Variants in PPFIA2 observed in about 807,000 individuals in gnomAD.
The protein encoded by PPFIA2 is PPFI scaffold protein A2.
Under a neutral mutation model 175.5 loss-of-function variants are expected in PPFIA2, and 46 were observed. That is an observed-to-expected ratio of 0.26 (90% CI 0.21 to 0.34). The LOEUF is 0.34. Ranked by LOEUF, PPFIA2 falls within the 10% of genes least tolerant of loss-of-function variation. The probability of loss-of-function intolerance (pLI) is 1.00; values close to 1 mark genes in which losing one functional copy is unlikely to be tolerated. For missense variants in PPFIA2, 1,179 were observed against 1,506.1 expected, an observed-to-expected ratio of 0.78 and a Z score of 3.60; for synonymous variants, 568 against 511.4, an observed-to-expected ratio of 1.11 and a Z score of -1.49.
chr12:81,555,293 G>T (rs2068649430), intron 4 of PPFIA2, among the ~76,000 whole-genome samples: 1 of 151,852 alleles, frequency 6.6e-6, no homozygotes, highest in Admixed American at 6.6e-5. Flanking sequence ...TATTGATTTA[G>T]ATATCTAAGT....
intron 4 of PPFIA2, among the ~76,000 whole-genome samples, chr12:81,525,976 A>G (rs926683069): frequency 6.6e-6 from 1 of 152,324 alleles, no homozygotes; most frequent in Non-Finnish European, 1.5e-5. Flanking sequence ...TTGGTTAAAA[A>G]AAAATATAAA....
intron 4 of PPFIA2, among the ~76,000 whole-genome samples, chr12:81,627,238 G>T (rs1383622049): frequency 6.6e-6 from 1 of 152,072 alleles, no homozygotes; most frequent in African/African-American, 2.4e-5. Context: ...TAGGGTAACT[G>T]TGGTTAACAA....
intron 3 of PPFIA2, among the ~76,000 whole-genome samples, chr12:81,744,971 T>C (rs904030511): frequency 6.6e-6 from 1 of 151,884 alleles, no homozygotes; most frequent in East Asian, 1.9e-4. Flanking sequence ...AACAGCCTCA[T>C]TGGAATGTTC....
chr12:81,341,308 A>T, intron 19 of PPFIA2, 100 bp from the exon 20 acceptor site: 1 of 1,198,532 alleles, frequency 8.3e-7, no homozygotes, highest in Non-Finnish European at 1.1e-6. Context: ...GAGTAATTTT[A>T]ATACAAAATA....
At chr12:81,638,877 C>T (rs1201330129) in intron 4 of PPFIA2, among the ~76,000 whole-genome samples, 1 of 150,660 alleles carries the variant, frequency 6.6e-6, no homozygotes, top group South Asian at 2.1e-4. Context: ...TTAGTAGAGA[C>T]GGGGTTTCAC....
chr12:81,556,357 A>G (rs951284396), intron 4 of PPFIA2, among the ~76,000 whole-genome samples: 2 of 151,954 alleles, frequency 1.3e-5, no homozygotes, highest in African/African-American at 4.8e-5. Flanking sequence ...AAATGGGTTT[A>G]TTGGGGTCCT....
At chr12:81,757,253 T>A (rs1457173577) in intron 2 of PPFIA2, among the ~76,000 whole-genome samples, 1 of 152,210 alleles carries the variant, frequency 6.6e-6, no homozygotes, top group Non-Finnish European at 1.5e-5. Context: ...GGTCATTCAA[T>A]GTCTAGTGCG....
chr12:81,646,351 G>A (rs1005337343), intron 4 of PPFIA2, among the ~76,000 whole-genome samples: 4 of 152,118 alleles, frequency 2.6e-5, no homozygotes, highest in Non-Finnish European at 5.9e-5. Flanking sequence ...AGAACAGGAA[G>A]GGAAATGAAG....
chr12:81,703,450 A>G (rs1359922026), intron 3 of PPFIA2, among the ~76,000 whole-genome samples: 1 of 152,006 alleles, frequency 6.6e-6, no homozygotes, highest in Non-Finnish European at 1.5e-5. Flanking sequence ...AATCCAATGT[A>G]CAGAATCCAA....
chr12:81,652,067 T>G (rs1343278982), intron 4 of PPFIA2, among the ~76,000 whole-genome samples: 2 of 151,548 alleles, frequency 1.3e-5, no homozygotes, highest in Non-Finnish European at 2.9e-5. Flanking sequence ...AGTTATACAG[T>G]CTGTAAGATC....
chr12:81,350,255 C>T lies in PPFIA2; in HGVS notation c.1995-2485G>A, dbSNP rs115790360. 2.9e-3 allele frequency among the ~76,000 whole-genome samples: 448 copies of T among 152,170 alleles called. 1 individual carries two copies. The highest frequency in any genetic ancestry group is 9.7e-3 in the African/African-American group (403 of 41,540). On this transcript the variant is annotated intron_variant, in intron 17 of 32. Coordinates refer to ENST00000549396, the MANE Select transcript of PPFIA2 (RefSeq NM_003625.5). ...CTCAGAAAGTGTTATTCCGTTATTC[C>T]GTTAATACTTGTTTTACATTATTTT...
chr12:81,325,843 G>A lies in PPFIA2; in HGVS notation c.2576C>T (p.Ala859Val), dbSNP rs757217103. 3 of 1,612,562 alleles carry A rather than the reference G, an allele frequency of 1.9e-6. No homozygotes were observed. The highest frequency in any genetic ancestry group is 2.2e-5 in the South Asian group (2 of 91,044). ...TTTGCCTAACCCCAGGGACTCCTGA[G>A]CTGCAGCTTCAGTCTCCATAAAGCC... is the stretch of plus-strand genomic sequence containing the variant. ...LRGFMETEAA[A>V]QESLGLGKLG... The change falls in exon 22 of 33, where the codon GCT becomes GTT. Residue 859 changes from alanine to valine, a missense_variant. By Grantham distance (64) the Ala-to-Val change is moderately conservative (BLOSUM62 0). Transcript: ENST00000549396.
chr12:81,713,876 T>C (rs2078260519), intron 3 of PPFIA2, among the ~76,000 whole-genome samples: 1 of 151,348 alleles, frequency 6.6e-6, no homozygotes, highest in Non-Finnish European at 1.5e-5. Context: ...TAGAGAAATG[T>C]GAACAGTGAC....
At chr12:81,274,098 A>C (rs2039891329) in intron 28 of PPFIA2, among the ~76,000 whole-genome samples, 1 of 152,144 alleles carries the variant, frequency 6.6e-6, no homozygotes, top group Non-Finnish European at 1.5e-5. Flanking sequence ...CTATATAATC[A>C]GCTGCTGCTG....
chr12:81,713,738 G>A (rs1381460322), intron 3 of PPFIA2, among the ~76,000 whole-genome samples: 2 of 151,160 alleles, frequency 1.3e-5, no homozygotes, highest in African/African-American at 4.8e-5. Flanking sequence ...GTTTATTGCT[G>A]TCTAATTTTA....
At chr12:81,361,756 C>A (rs1299111991) in intron 15 of PPFIA2, among the ~76,000 whole-genome samples, 2 of 151,420 alleles carry the variant, frequency 1.3e-5, no homozygotes, top group African/African-American at 4.8e-5. Context: ...ACAAACCCAT[C>A]CTCTGGTGGA....
chr12:81,638,688 T>TTTC (rs1567671083), intron 4 of PPFIA2, among the ~76,000 whole-genome samples: 3 of 125,978 alleles, frequency 2.4e-5, no homozygotes, highest in African/African-American at 9.5e-5. Context: ...TTTTCTTTTT[T>TTTC]TTTTTTTTTT....
Position 81,721,186 on chromosome 12 carries a change from G to C in PPFIA2, c.249+32787C>G, listed in dbSNP as rs535221411. On this transcript the variant is annotated intron_variant, in intron 3 of 32. Transcript: ENST00000549396. ...AAAGCCTCTAGTGAAATGAAGAAAG[G>C]GGTGCAGAAAGGGCCAACTGTGGAG... Among the ~76,000 whole-genome samples the C allele has an allele frequency of 7.3e-5, 11 of 151,276 alleles. No individual in the cohort carries two copies. In the South Asian group the frequency reaches 2.1e-3, roughly 29 times the overall value.
chr12:81,431,634 A>G (rs559968642), intron 7 of PPFIA2, among the ~76,000 whole-genome samples: 24 of 152,328 alleles, frequency 1.6e-4, no homozygotes, highest in African/African-American at 5.8e-4. Flanking sequence ...GGTCTACTCA[A>G]TGCTGTATTT....
Sources: allele counts gnomAD v4.1 joint callset (sites outside exome capture counted in the v4.1 genomes callset), GRCh38; gene constraint gnomAD v4.1.1; transcripts MANE v1.5; gene names NCBI Gene and HGNC (gene_info 2026-07-23, HGNC 2026-07-21).